NEBL: variants seen among roughly 807,000 people sequenced by gnomAD.
NEBL encodes nebulette, also known as LIM and SH3 protein 2.
In NEBL, 122 loss-of-function variants were observed where a neutral mutation model predicts 140.2. That is an observed-to-expected ratio of 0.87 (90% CI 0.75 to 1.01). The LOEUF (loss-of-function observed/expected upper bound fraction) is 1.01, where lower values mean the gene tolerates loss of function less well. NEBL is among the 50% of genes least tolerant of loss of function. The pLI is 0.00. For missense variants in NEBL, 1,365 were observed against 1,231.3 expected (o/e 1.11, Z -1.62); for synonymous variants, 436 against 398.9 (o/e 1.09, Z -1.11).
intron 22 of NEBL, 126 bp downstream of exon 22, chr10:20,815,499 T>C (rs1838634925): frequency 1.3e-6 from 1 of 767,380 alleles, no homozygotes; most frequent in Non-Finnish European, 2.3e-6. Context: ...ATAACACATG[T>C]ACTTATTGGA....
intron 10 of NEBL, among the ~76,000 whole-genome samples, chr10:20,851,292 T>C (rs1337049329): frequency 6.6e-6 from 1 of 152,134 alleles, no homozygotes; most frequent in Non-Finnish European, 1.5e-5. Flanking sequence ...AATTATTTCT[T>C]AAGTTATTAA....
At chr10:21,056,212 T>G (rs918035628) in intron 2 of NEBL, among the ~76,000 whole-genome samples, 6 of 152,316 alleles carry the variant, frequency 3.9e-5, no homozygotes, top group African/African-American at 9.6e-5. Context: ...GAGGAGGTTA[T>G]AGAACTCACA....
chr10:21,127,285 A>C (rs1358707632), intron 2 of NEBL, among the ~76,000 whole-genome samples: 2 of 152,204 alleles, frequency 1.3e-5, no homozygotes, highest in African/African-American at 4.8e-5. Flanking sequence ...ATAATGATGA[A>C]AAATTGATCC....
chr10:21,037,280 G>C (rs1278423570), intron 2 of NEBL, among the ~76,000 whole-genome samples: 1 of 151,000 alleles, frequency 6.6e-6, no homozygotes, highest in Non-Finnish European at 1.5e-5. Context: ...AGGGGGTGGG[G>C]AGAGGGAGAG....
chr10:20,822,050 A>G (rs1341207235), intron 19 of NEBL, among the ~76,000 whole-genome samples: 1 of 152,206 alleles, frequency 6.6e-6, no homozygotes, highest in Admixed American at 6.5e-5. Flanking sequence ...ACTTTGCAAG[A>G]GGCATTATTA....
At chr10:20,928,834 T>C (rs556982456) in intron 4 of NEBL, among the ~76,000 whole-genome samples, 7 of 152,206 alleles carry the variant, frequency 4.6e-5, no homozygotes, top group Non-Finnish European at 1.0e-4. Context: ...AGCTCCTGTA[T>C]TTAAAAACAA....
intron 2 of NEBL, among the ~76,000 whole-genome samples, chr10:21,151,149 T>G (rs1840119490): frequency 6.6e-6 from 1 of 152,152 alleles, no homozygotes; most frequent in African/African-American, 2.4e-5. Flanking sequence ...TTTTCCAAGT[T>G]CCATTTAAAG....
intron 4 of NEBL, among the ~76,000 whole-genome samples, chr10:20,885,413 C>T (rs1180924011): frequency 6.6e-6 from 1 of 152,190 alleles, no homozygotes; most frequent in Non-Finnish European, 1.5e-5. Flanking sequence ...TGACTAATTA[C>T]AACAATGGAA....
Position 20,852,560 on chromosome 10 carries a change from G to A in NEBL, c.993C>T (p.Ala331=), listed in dbSNP as rs375117092. 1.9e-4 allele frequency: 308 copies of A among 1,612,926 alleles called. 2 individuals carry two copies. The South Asian group carries it at 2.4e-3, about 13-fold the overall frequency. The change falls in exon 10 of 28, where the codon GCC becomes GCT. Residue 331 remains alanine, a synonymous_variant. Transcript: ENST00000377122. The stretch of plus-strand genomic sequence containing the variant: ...AAGTGTGTACCTGACTTTGGAGGAC[G>A]GCATTGCCTTTATGGTGCAGATGTT... The part of the protein sequence containing the change: ...AVEHLHHKGN[A]VLQSQVKYKE...
At chr10:20,956,965 C>T (rs1272327667) in intron 4 of NEBL, among the ~76,000 whole-genome samples, 2 of 152,154 alleles carry the variant, frequency 1.3e-5, no homozygotes, top group African/African-American at 4.8e-5. Flanking sequence ...GACTGCTTGT[C>T]TTCTGTCCAC....
At chr10:20,933,245 A>G (rs533575639) in intron 4 of NEBL, among the ~76,000 whole-genome samples, 119 of 152,300 alleles carry the variant, frequency 7.8e-4, no homozygotes, top group Non-Finnish European at 1.5e-3. Context: ...TAGTAAATTT[A>G]TAAATTGTTA....
At chr10:20,945,365 C>T (rs1049614826) in intron 4 of NEBL, among the ~76,000 whole-genome samples, 2 of 152,142 alleles carry the variant, frequency 1.3e-5, no homozygotes, top group Non-Finnish European at 2.9e-5. Flanking sequence ...TCTGCATTGA[C>T]GGCTGTGCTT....
intron 14 of NEBL, 91 bp downstream of exon 14, chr10:20,835,422 T>G: frequency 5.3e-5 from 51 of 966,128 alleles, no homozygotes; most frequent in Non-Finnish European, 8.3e-5. Flanking sequence ...TGCAATGCTT[T>G]GAGAAATTCC....
intron 4 of NEBL, among the ~76,000 whole-genome samples, chr10:20,912,550 C>T (rs945196751): frequency 6.6e-6 from 1 of 152,188 alleles, no homozygotes; most frequent in Non-Finnish European, 1.5e-5. Context: ...TTTTTAATAT[C>T]TCTCAAATCT....
intron 3 of NEBL, among the ~76,000 whole-genome samples, chr10:21,247,389 T>C (rs1346972329): frequency 6.6e-6 from 1 of 152,184 alleles, no homozygotes; most frequent in African/African-American, 2.4e-5. Flanking sequence ...TCACTTGACA[T>C]TCGCTAGAAG....
intron 14 of NEBL, among the ~76,000 whole-genome samples, chr10:20,832,103 CA>C (rs1397059500): frequency 6.6e-6 from 1 of 152,138 alleles, no homozygotes; most frequent in Non-Finnish European, 1.5e-5. Context: ...TTAAATAAAT[CA>C]TTATTCCCTT....
At chr10:20,888,029 G>T (rs532786848) in intron 4 of NEBL, 68 bp downstream of exon 4, 8 of 1,105,456 alleles carry the variant, frequency 7.2e-6, no homozygotes, top group Admixed American at 1.7e-5. Flanking sequence ...TTATTAAAAC[G>T]CTAAGTAGCT....
At chr10:20,796,411 T>C (rs1281301674) in intron 26 of NEBL, among the ~76,000 whole-genome samples, 1 of 144,954 alleles carries the variant, frequency 6.9e-6, no homozygotes, top group Admixed American at 6.9e-5. Context: ...TAAAATATTA[T>C]CTTGGGGACT....
rs76590732 is a variant in NEBL at position 20,836,779 on chromosome 10, C to A, written c.1339-1156G>T. On this transcript the variant is annotated intron_variant, in intron 13 of 27. Coordinates refer to ENST00000377122, the MANE Select transcript of NEBL (RefSeq NM_006393.3). The stretch of plus-strand genomic sequence containing the variant: ...TGTTTCCCCCTTTTCTTCCTTTACA[C>A]CCAATAAAACTCTGCTTTACTCACC... Among the ~76,000 whole-genome samples, 951 of 152,156 alleles carry A rather than the reference C, an allele frequency of 6.3e-3. 9 individuals are homozygous for A. The highest frequency in any genetic ancestry group is 0.022 in the African/African-American group (893 of 41,510).
Sources: gnomAD v4.1 joint callset for allele counts (sites outside exome capture counted in the v4.1 genomes callset) on GRCh38, gnomAD v4.1.1 for gene constraint, MANE v1.5 for transcripts, NCBI Gene and HGNC (gene_info 2026-07-23, HGNC 2026-07-21) for gene names.